AGMO: variants seen among roughly 807,000 people sequenced by gnomAD.
AGMO encodes the protein alkylglycerol monooxygenase, also known as glyceryl-ether monooxygenase.
In AGMO, 75 loss-of-function variants were observed where a neutral mutation model predicts 60.2. That is an observed-to-expected ratio of 1.25 (90% confidence interval 1.03 to 1.51). The LOEUF is 1.51. Ranked by LOEUF, AGMO falls within the 40% of genes most tolerant of loss-of-function variation. AGMO has a pLI of 0.00. For synonymous variants in AGMO, 261 were observed against 177.1 expected (o/e 1.47, Z -3.76); for missense variants, 763 against 525.5 (o/e 1.45, Z -4.42).
chr7:15,554,470 C>G (rs1412828148), intron 2 of AGMO, among the ~76,000 whole-genome samples: 2 of 151,994 alleles, frequency 1.3e-5, no homozygotes, highest in African/African-American at 4.8e-5. Context: ...AATTAGCAAC[C>G]TGCATATAGA....
At chr7:15,509,378 AAAAAT>A (rs544018582) in intron 3 of AGMO, among the ~76,000 whole-genome samples, 156 of 151,708 alleles carry the variant, frequency 1.0e-3, no homozygotes, top group African/African-American at 3.7e-3. Context: ...ATGCAAAAAA[AAAAAT>A]AAAAATGAAA....
intron 12 of AGMO, among the ~76,000 whole-genome samples, chr7:15,355,504 CAAAAAAAAA>C (rs56695710): frequency 1.2e-5 from 1 of 81,736 alleles, no homozygotes; most frequent in African/African-American, 5.0e-5. Flanking sequence ...GACTCTGTCT[CAAAAAAAAA>C]AAAAAAAAAA....
At chr7:15,491,029 G>A (rs947479408) in intron 3 of AGMO, among the ~76,000 whole-genome samples, 1 of 152,066 alleles carries the variant, frequency 6.6e-6, no homozygotes, top group African/African-American at 2.4e-5. Context: ...AAATCCTGGT[G>A]GTTTAGCATC....
the AGMO span, among the ~76,000 whole-genome samples, chr7:15,136,119 T>C: frequency 6.6e-6 from 1 of 151,394 alleles, no homozygotes; most frequent in African/African-American, 2.4e-5. Context: ...TCAGCCTCCC[T>C]AGTAGCTGGG....
intron 5 of AGMO, among the ~76,000 whole-genome samples, chr7:15,408,171 C>T (rs1019064515): frequency 6.6e-6 from 1 of 151,854 alleles, no homozygotes; most frequent in Non-Finnish European, 1.5e-5. Flanking sequence ...TTTAGCTGTA[C>T]TGGCTGACTT....
the AGMO span, among the ~76,000 whole-genome samples, chr7:15,184,185 G>A: frequency 6.8e-6 from 1 of 147,724 alleles, no homozygotes; most frequent in East Asian, 2.0e-4. Context: ...AGCTTTAAAA[G>A]AAATTAAAAT....
intron 9 of AGMO, among the ~76,000 whole-genome samples, chr7:15,387,146 T>A (rs1783949848): frequency 6.6e-6 from 1 of 152,192 alleles, no homozygotes; most frequent in Non-Finnish European, 1.5e-5. Context: ...TTCAAGTCGA[T>A]ATGAAAACCA....
At chr7:15,170,462 G>C in the AGMO span, among the ~76,000 whole-genome samples, 1 of 152,156 alleles carries the variant, frequency 6.6e-6, no homozygotes, top group Non-Finnish European at 1.5e-5. Flanking sequence ...ACCAAGGTTA[G>C]CATATTACAA....
intron 12 of AGMO, among the ~76,000 whole-genome samples, chr7:15,332,706 C>G (rs965974318): frequency 6.6e-6 from 1 of 151,914 alleles, no homozygotes; most frequent in Admixed American, 6.6e-5. Flanking sequence ...ATGAATGTAC[C>G]TGGTACTTAT....
chr7:15,299,846 C>CAA (rs1784513733), intron 12 of AGMO, among the ~76,000 whole-genome samples: 1 of 130,346 alleles, frequency 7.7e-6, no homozygotes, highest in African/African-American at 3.3e-5. Context: ...CACACACACA[C>CAA]ACACACACAC....
chr7:15,234,624 G>C (rs1782365181), intron 12 of AGMO, among the ~76,000 whole-genome samples: 1 of 152,098 alleles, frequency 6.6e-6, no homozygotes, highest in African/African-American at 2.4e-5. Context: ...TTCTGAAAAG[G>C]AACAGCTAGT....
At chr7:15,497,550 C>G (rs978439420) in intron 3 of AGMO, among the ~76,000 whole-genome samples, 2 of 151,964 alleles carry the variant, frequency 1.3e-5, no homozygotes. Context: ...TAACAGCAAC[C>G]CCTCAGAAGA....
At chr7:15,517,519 G>C (rs909223757) in intron 3 of AGMO, among the ~76,000 whole-genome samples, 2 of 151,590 alleles carry the variant, frequency 1.3e-5, no homozygotes, top group Middle Eastern at 3.4e-3. Flanking sequence ...AGGAGGCCAA[G>C]CAGAAGCAGG....
chr7:15,187,499 C>T, the AGMO span, among the ~76,000 whole-genome samples: 1 of 152,170 alleles, frequency 6.6e-6, no homozygotes, highest in Non-Finnish European at 1.5e-5. Context: ...ATCCTTTCAT[C>T]ACGTTAGTCA....
rs1044177655 is a variant in AGMO, at chr7:15,405,398, A to G, written c.610-11219T>C. Among the ~76,000 whole-genome samples the G allele has an allele frequency of 2.6e-5, 4 of 151,908 alleles. No homozygotes were observed. The East Asian group carries it at 7.7e-4, about 29-fold the overall frequency. ...TCTATGTTCATGATGCTCAAAATTT[A>G]TTCCATTTACATTCAGTCTAATGCT... On this transcript the variant is annotated intron_variant, in intron 5 of 12. Transcript: ENST00000342526.
chr7:15,249,155 T>A (rs1002156043), intron 12 of AGMO, among the ~76,000 whole-genome samples: 3 of 152,152 alleles, frequency 2.0e-5, no homozygotes, highest in Non-Finnish European at 2.9e-5. Context: ...TTCATGTGTG[T>A]GAAATTTTTT....
At chr7:15,334,670 G>A (rs573194329) in intron 12 of AGMO, among the ~76,000 whole-genome samples, 7 of 152,132 alleles carry the variant, frequency 4.6e-5, no homozygotes, top group Admixed American at 1.3e-4. Flanking sequence ...CGGATATCCC[G>A]CCAACAACCA....
intron 12 of AGMO, among the ~76,000 whole-genome samples, chr7:15,355,869 G>A (rs1782511652): frequency 6.6e-6 from 1 of 152,042 alleles, no homozygotes; most frequent in Admixed American, 6.6e-5. Flanking sequence ...ACAAAGGACT[G>A]ATATTATAAT....
intron 3 of AGMO, among the ~76,000 whole-genome samples, chr7:15,443,089 T>C (rs999516509): frequency 6.6e-6 from 1 of 152,208 alleles, no homozygotes; most frequent in African/African-American, 2.4e-5. Flanking sequence ...CAATAAAACC[T>C]TGCACTCATT....
Sources: gnomAD v4.1 joint callset for allele counts (sites outside exome capture counted in the v4.1 genomes callset) on GRCh38, gnomAD v4.1.1 for gene constraint, MANE v1.5 for transcripts, NCBI Gene and HGNC (gene_info 2026-07-23, HGNC 2026-07-21) for gene names.